Variants in NSUN6 observed in about 807,000 individuals in gnomAD.
The protein encoded by NSUN6 is tRNA (cytosine(72)-C(5))-methyltransferase NSUN6.
A neutral mutation model predicts 58.0 loss-of-function variants in NSUN6; 64 were observed. The ratio of observed to expected loss-of-function variants is 1.10; its 90% CI spans 0.90 to 1.36. NSUN6 has a LOEUF of 1.36. Ranked by LOEUF, NSUN6 falls within the 40% of genes most tolerant of loss-of-function variation. The probability of loss-of-function intolerance (pLI) is 0.00; values close to 1 mark genes in which losing one functional copy is unlikely to be tolerated. For missense variants in NSUN6, 701 were observed against 550.1 expected, an observed-to-expected ratio of 1.27 and a Z score of -2.74; for synonymous variants, 231 against 193.9, an observed-to-expected ratio of 1.19 and a Z score of -1.59.
At chr10:18,570,786 C>A (rs1260474883) in intron 8 of NSUN6, among the ~76,000 whole-genome samples, 1 of 151,124 alleles carries the variant, frequency 6.6e-6, no homozygotes, top group Non-Finnish European at 1.5e-5. Context: ...CCCTTCCATT[C>A]CATTCTCCAT....
chr10:18,638,142 A>T (rs146498386), intron 3 of NSUN6, among the ~76,000 whole-genome samples: 1 of 152,192 alleles, frequency 6.6e-6, no homozygotes, highest in Non-Finnish European at 1.5e-5. Flanking sequence ...GTTTAACATA[A>T]TAAGAAATGG....
intron 3 of NSUN6, among the ~76,000 whole-genome samples, chr10:18,637,755 A>G (rs528039861): frequency 6.6e-6 from 1 of 152,362 alleles, no homozygotes; most frequent in Admixed American, 6.5e-5. Flanking sequence ...AAACTGAGCT[A>G]AATGATAAAA....
chr10:18,628,678 A>C (rs2058916787), intron 3 of NSUN6, among the ~76,000 whole-genome samples: 1 of 152,194 alleles, frequency 6.6e-6, no homozygotes, highest in South Asian at 2.1e-4. Context: ...AACTGAATGA[A>C]ATGAAGCAAG....
chr10:18,574,583 G>C (rs1403028409), intron 8 of NSUN6, among the ~76,000 whole-genome samples: 1 of 152,116 alleles, frequency 6.6e-6, no homozygotes, highest in East Asian at 1.9e-4. Context: ...TTCAGTGATT[G>C]ATAGAGAAAC....
At chr10:18,551,274 G>GTGTA (rs2054586942) in intron 9 of NSUN6, among the ~76,000 whole-genome samples, 1 of 150,006 alleles carries the variant, frequency 6.7e-6, no homozygotes, top group Non-Finnish European at 1.5e-5. Flanking sequence ...GTGTGTGTGT[G>GTGTA]TGTGTGTGTG....
At chr10:18,605,678 G>A (rs2058023795) in intron 6 of NSUN6, among the ~76,000 whole-genome samples, 1 of 152,294 alleles carries the variant, frequency 6.6e-6, no homozygotes, top group Non-Finnish European at 1.5e-5. Flanking sequence ...ACATGGCTGT[G>A]GTCTAACTCC....
chr10:18,590,251 T>A (rs183661413), intron 7 of NSUN6, among the ~76,000 whole-genome samples: 13 of 152,246 alleles, frequency 8.5e-5, no homozygotes, highest in African/African-American at 2.6e-4. Flanking sequence ...GCACCCAGAT[T>A]CATAAAACAA....
intron 2 of NSUN6, among the ~76,000 whole-genome samples, chr10:18,647,155 T>C (rs932304951): frequency 2.0e-5 from 3 of 152,178 alleles, no homozygotes; most frequent in African/African-American, 4.8e-5. Context: ...TTAAATAGAG[T>C]ATGACAAAGA....
At chr10:18,626,148 A>C (rs2058794256) in intron 3 of NSUN6, among the ~76,000 whole-genome samples, 1 of 152,076 alleles carries the variant, frequency 6.6e-6, no homozygotes, top group Non-Finnish European at 1.5e-5. Context: ...ATGAGAAATA[A>C]ACTGTGCCAT....
Position 18,578,977 on chromosome 10 carries a change from G to A in NSUN6, c.922+6972C>T, listed in dbSNP as rs569841723. On this transcript the variant is annotated intron_variant, in intron 8 of 10. Transcript: ENST00000377304. ...TTCTAATATTCTCACTGAAGTACTAGATGATAATTATATAGACATTAAATT... is the reference window on the plus strand; with the variant it reads ...TTCTAATATTCTCACTGAAGTACTAAATGATAATTATATAGACATTAAATT... Among the ~76,000 whole-genome samples, 5 of 152,220 alleles carry A rather than the reference G, an allele frequency of 3.3e-5. No individual in the cohort carries two copies. In the East Asian group the frequency reaches 9.7e-4, roughly 29 times the overall value.
chr10:18,649,159 C>CT (rs1189284865), intron 1 of NSUN6, among the ~76,000 whole-genome samples: 1 of 152,128 alleles, frequency 6.6e-6, no homozygotes, highest in African/African-American at 2.4e-5. Flanking sequence ...AGGACATCAG[C>CT]TTTTTAATAT....
chr10:18,600,041 G>T (rs901902170), intron 6 of NSUN6, among the ~76,000 whole-genome samples: 2 of 152,012 alleles, frequency 1.3e-5, no homozygotes, highest in Non-Finnish European at 2.9e-5. Context: ...AGTATCTTTG[G>T]GTAATGTAAG....
chr10:18,628,427 G>A (rs1162893899), intron 3 of NSUN6, among the ~76,000 whole-genome samples: 2 of 152,106 alleles, frequency 1.3e-5, no homozygotes, highest in Non-Finnish European at 2.9e-5. Flanking sequence ...GGAGCTGAGA[G>A]AAGAAGGCTT....
chr10:18,651,739 G>T, upstream of NSUN6: 2 of 985,634 alleles, frequency 2.0e-6, no homozygotes, highest in African/African-American at 1.7e-5. Flanking sequence ...CACGCCCCCG[G>T]AGGTTCCTAA....
upstream of NSUN6, among the ~76,000 whole-genome samples, chr10:18,657,587 T>C (rs1205454325): frequency 2.6e-5 from 4 of 152,084 alleles, no homozygotes; most frequent in Admixed American, 2.6e-4. Flanking sequence ...TTTTTTTTGC[T>C]TCAAATCTCT....
chr10:18,597,534 C>T (rs2057638858), intron 6 of NSUN6, among the ~76,000 whole-genome samples: 1 of 152,052 alleles, frequency 6.6e-6, no homozygotes, highest in Admixed American at 6.6e-5. Context: ...CTTTGGGAGG[C>T]CAAAGCGGGA....
intron 3 of NSUN6, among the ~76,000 whole-genome samples, chr10:18,621,121 A>T (rs1439397352): frequency 2.0e-5 from 3 of 152,264 alleles, no homozygotes; most frequent in African/African-American, 7.2e-5. Flanking sequence ...ACTATGATTT[A>T]TAGTAAATAC....
At chr10:18,562,250 G>T (rs1253410502) in intron 8 of NSUN6, among the ~76,000 whole-genome samples, 1 of 150,524 alleles carries the variant, frequency 6.6e-6, no homozygotes, top group South Asian at 2.1e-4. Flanking sequence ...GGAATGGATT[G>T]GACAGGAATG....
chr10:18,634,537 G>A (rs1399951012), intron 3 of NSUN6, among the ~76,000 whole-genome samples: 2 of 151,444 alleles, frequency 1.3e-5, no homozygotes, highest in Admixed American at 6.6e-5. Context: ...GGATCACAAA[G>A]TCAGGAGATT....
Sources: allele counts gnomAD v4.1 joint callset (sites outside exome capture counted in the v4.1 genomes callset), GRCh38; gene constraint gnomAD v4.1.1; transcripts MANE v1.5; gene names NCBI Gene and HGNC (gene_info 2026-07-23, HGNC 2026-07-21).